GALNTL6: variants seen among roughly 807,000 people sequenced by gnomAD.
The protein encoded by GALNTL6 is polypeptide N-acetylgalactosaminyltransferase like 6, also known as polypeptide N-acetylgalactosaminyltransferase-like 6.
Under a neutral mutation model 73.7 loss-of-function variants are expected in GALNTL6, and 46 were observed. The ratio of observed to expected loss-of-function variants is 0.62; its 90% CI spans 0.49 to 0.80. The LOEUF (loss-of-function observed/expected upper bound fraction) is 0.80. Ranked by LOEUF, GALNTL6 falls within the 30% of genes least tolerant of loss-of-function variation. The probability of loss-of-function intolerance (pLI) is 0.00; values close to 1 mark genes in which losing one functional copy is unlikely to be tolerated. For missense variants in GALNTL6, 604 were observed against 755.0 expected (o/e 0.80, Z 2.34); for synonymous variants, 259 against 263.7 (o/e 0.98, Z 0.17).
At chr4:172,366,681 A>G (rs73868980) in intron 5 of GALNTL6, among the ~76,000 whole-genome samples, 3,733 of 152,278 alleles carry the variant, frequency 0.025, 158 homozygotes, top group African/African-American at 0.084. Flanking sequence ...GTCTGTGTGA[A>G]TAATCATCCT....
chr4:172,680,879 C>A (rs887870109), intron 5 of GALNTL6, among the ~76,000 whole-genome samples: 3 of 152,162 alleles, frequency 2.0e-5, no homozygotes. Context: ...GACAAGGATT[C>A]TTTGAGATGA....
At chr4:172,585,181 GTATTA>G (rs1737354619) in intron 5 of GALNTL6, among the ~76,000 whole-genome samples, 2 of 151,880 alleles carry the variant, frequency 1.3e-5, no homozygotes, top group South Asian at 4.1e-4. Flanking sequence ...AAAAATAAAT[GTATTA>G]TCTGTTTTAT....
At chr4:172,820,425 A>T (rs1011326830) in intron 7 of GALNTL6, among the ~76,000 whole-genome samples, 1 of 152,136 alleles carries the variant, frequency 6.6e-6, no homozygotes, top group East Asian at 1.9e-4. Context: ...TTTACACAAA[A>T]CTCTTTCCAC....
At chr4:172,048,150 A>G (rs1742270944) in intron 2 of GALNTL6, among the ~76,000 whole-genome samples, 2 of 152,170 alleles carry the variant, frequency 1.3e-5, no homozygotes, top group Admixed American at 1.3e-4. Flanking sequence ...TTTCAAAGTA[A>G]TTTTGAAGGG....
At chr4:172,965,423 A>G (rs1750276456) in intron 10 of GALNTL6, among the ~76,000 whole-genome samples, 1 of 152,144 alleles carries the variant, frequency 6.6e-6, no homozygotes, top group Admixed American at 6.5e-5. Flanking sequence ...CTCTACTAAA[A>G]ATACAAAAAA....
At chr4:171,821,602 C>T (rs536528250) in intron 2 of GALNTL6, among the ~76,000 whole-genome samples, 41 of 150,712 alleles carry the variant, frequency 2.7e-4, no homozygotes, top group African/African-American at 6.2e-4. Flanking sequence ...GAGGATTAAA[C>T]GCTTAGCATC....
chr4:173,017,204 T>C (rs190751645), intron 11 of GALNTL6, among the ~76,000 whole-genome samples: 3 of 152,348 alleles, frequency 2.0e-5, no homozygotes, highest in Admixed American at 6.5e-5. Flanking sequence ...AATGGACTAA[T>C]ATACATTGTA....
chr4:172,729,646 G>A (rs1243988497), intron 5 of GALNTL6, among the ~76,000 whole-genome samples: 2 of 152,090 alleles, frequency 1.3e-5, no homozygotes, highest in African/African-American at 4.8e-5. Context: ...GCTTTAGAAT[G>A]AATTTTGAAG....
intron 5 of GALNTL6, among the ~76,000 whole-genome samples, chr4:172,392,996 C>CTGGA (rs763525762): frequency 5.5e-4 from 83 of 152,176 alleles, no homozygotes; most frequent in Non-Finnish European, 8.8e-4. Context: ...TAGATTCTCA[C>CTGGA]TGGAGCACAA....
chr4:172,282,317 C>G (rs1305084208), intron 3 of GALNTL6, among the ~76,000 whole-genome samples: 2 of 152,100 alleles, frequency 1.3e-5, no homozygotes, highest in Non-Finnish European at 2.9e-5. Context: ...CAAAGTAAAA[C>G]CCCAACAAGA....
intron 5 of GALNTL6, among the ~76,000 whole-genome samples, chr4:172,713,678 C>T (rs1734866910): frequency 6.6e-6 from 1 of 152,090 alleles, no homozygotes; most frequent in South Asian, 2.1e-4. Context: ...ATAGATTTCC[C>T]TCAAGTCAGA....
intron 7 of GALNTL6, among the ~76,000 whole-genome samples, chr4:172,869,787 T>C (rs1423245752): frequency 1.3e-5 from 2 of 152,150 alleles, no homozygotes; most frequent in Non-Finnish European, 2.9e-5. Flanking sequence ...TCTCTCTAGT[T>C]CCCATGAAGT....
chr4:172,359,411 T>A (rs1168475804), intron 5 of GALNTL6, among the ~76,000 whole-genome samples: 1 of 152,138 alleles, frequency 6.6e-6, no homozygotes, highest in Non-Finnish European at 1.5e-5. Flanking sequence ...GGTACTAGGC[T>A]TAGTACCTGG....
intron 5 of GALNTL6, among the ~76,000 whole-genome samples, chr4:172,633,109 A>C (rs924328747): frequency 6.6e-6 from 1 of 152,204 alleles, no homozygotes; most frequent in African/African-American, 2.4e-5. Flanking sequence ...TGTGGAAGGG[A>C]AATGTGGGGT....
At chr4:172,364,924 C>A (rs1742501444) in intron 5 of GALNTL6, among the ~76,000 whole-genome samples, 1 of 152,106 alleles carries the variant, frequency 6.6e-6, no homozygotes, top group Admixed American at 6.6e-5. Context: ...AAATGTATGT[C>A]CTGTGTCCCC....
intron 5 of GALNTL6, among the ~76,000 whole-genome samples, chr4:172,643,231 GA>G (rs1325592955): frequency 6.6e-6 from 1 of 151,838 alleles, no homozygotes; most frequent in Non-Finnish European, 1.5e-5. Context: ...AAAGGCAAAT[GA>G]AGATAAAATA....
intron 5 of GALNTL6, among the ~76,000 whole-genome samples, chr4:172,474,112 A>AT (rs1315342612): frequency 1.3e-5 from 2 of 152,114 alleles, no homozygotes; most frequent in East Asian, 3.9e-4. Context: ...TGAGTCCTTC[A>AT]TACTCCCAAC....
intron 2 of GALNTL6, among the ~76,000 whole-genome samples, chr4:171,895,800 A>G (rs1194021385): frequency 2.0e-5 from 3 of 152,214 alleles, no homozygotes; most frequent in Non-Finnish European, 4.4e-5. Context: ...ATACTCAATT[A>G]CATAAAAGAA....
In GALNTL6 at chr4:171,917,636, C is replaced by T. The variant is rs866354877; in HGVS notation, c.138+102918C>T. ...CAAACAGCTTTCTATCTGGAGCAAACTCATGTTTTCTTCATTTTAAGACTG... is the reference window on the plus strand; with the variant it reads ...CAAACAGCTTTCTATCTGGAGCAAATTCATGTTTTCTTCATTTTAAGACTG... On this transcript the variant is annotated intron_variant, in intron 2 of 12. Transcript: ENST00000506823. 2.0e-4 allele frequency among the ~76,000 whole-genome samples: 30 copies of T among 152,206 alleles called. 1 individual carries two copies. Among genetic ancestry groups the T allele is most frequent in the Middle Eastern group, 3.4e-3 (1 of 294 alleles).
Sources: gnomAD v4.1 joint callset for allele counts (sites outside exome capture counted in the v4.1 genomes callset) on GRCh38, gnomAD v4.1.1 for gene constraint, MANE v1.5 for transcripts, NCBI Gene and HGNC (gene_info 2026-07-23, HGNC 2026-07-21) for gene names.